Variants in PCDHA3 observed in about 807,000 individuals in gnomAD.
PCDHA3 encodes protocadherin alpha-3.
In PCDHA3, 41 loss-of-function variants were observed where a neutral mutation model predicts 62.2. That is an observed-to-expected ratio of 0.66 (90% confidence interval 0.51 to 0.86). The LOEUF is 0.86. Ranked by LOEUF, PCDHA3 falls within the 40% of genes least tolerant of loss-of-function variation. The probability of loss-of-function intolerance (pLI) is 0.00; values close to 1 mark genes in which losing one functional copy is unlikely to be tolerated. For synonymous variants in PCDHA3, 640 were observed against 555.4 expected (o/e 1.15, Z -2.14); for missense variants, 1,304 against 1,241.2 (o/e 1.05, Z -0.76).
intron 1 of PCDHA3, chr5:140,821,992 C>T (rs2150112812): frequency 1.2e-6 from 2 of 1,614,186 alleles, no homozygotes; most frequent in East Asian, 2.2e-5. Flanking sequence ...CCGCGGGGAC[C>T]TTCTGGAGGT....
intron 1 of PCDHA3, 81 bp from the exon 2 acceptor site, chr5:140,978,868 G>A: frequency 6.2e-7 from 1 of 1,606,078 alleles, no homozygotes; most frequent in Non-Finnish European, 8.5e-7. Context: ...ATATTTAAGG[G>A]AGTAACTAAT....
chr5:140,876,928 A>G lies in PCDHA3; in HGVS notation c.2394+73337A>G, dbSNP rs188405716. On this transcript the variant is annotated intron_variant, in intron 1 of 3. Coordinates refer to ENST00000522353, the MANE Select transcript of PCDHA3 (RefSeq NM_018906.3). ...GTCGGCATGGGACGCGGACGCGCAG[A>G]AGAACGCGCTGGTGTCCTACTCGCT... The G allele has an allele frequency of 1.9e-5, 31 of 1,613,808 alleles. No individual in the cohort carries two copies. In the African/African-American group the frequency reaches 2.4e-4, roughly 12 times the overall value.
At chr5:140,857,449 C>T (rs2044602345) in intron 1 of PCDHA3, 1 of 1,598,510 alleles carries the variant, frequency 6.3e-7, no homozygotes, top group East Asian at 2.2e-5. Context: ...AGGAGAACAA[C>T]CCGCCAGGCT....
At chr5:140,996,226 G>C (rs2097717630) in intron 3 of PCDHA3, among the ~76,000 whole-genome samples, 1 of 152,196 alleles carries the variant, frequency 6.6e-6, no homozygotes, top group South Asian at 2.1e-4. Context: ...GTCTAGAAAT[G>C]GTTGCTCAAG....
At chr5:140,947,769 A>G (rs2094173274) in intron 1 of PCDHA3, among the ~76,000 whole-genome samples, 1 of 151,626 alleles carries the variant, frequency 6.6e-6, no homozygotes, top group South Asian at 2.1e-4. Context: ...AAAAAATTCT[A>G]TTGTAAATGG....
chr5:140,869,485 G>T (rs782005031), intron 1 of PCDHA3: 8 of 1,614,158 alleles, frequency 5.0e-6, no homozygotes, highest in Non-Finnish European at 6.8e-6. Flanking sequence ...GGACATTAAC[G>T]ACAACCCGCC....
At chr5:140,969,045 CCAA>C in intron 1 of PCDHA3, 4 of 1,614,090 alleles carry the variant, frequency 2.5e-6, no homozygotes, top group Non-Finnish European at 3.4e-6. Flanking sequence ...TACAAACAAG[CCAA>C]CAACAATATT....
At position 140,850,006 on chromosome 5, in the gene PCDHA3, T is replaced by A. The variant is rs2150463121; in HGVS notation, c.2394+46415T>A. On this transcript the variant is annotated intron_variant, in intron 1 of 3. Coordinates refer to ENST00000522353, the MANE Select transcript of PCDHA3 (RefSeq NM_018906.3). ...GAGCGGCGGTTGGGCGAGCGCTCGC[T>A]GTCGAGCTACGTGTCAGTGCACGCG... is the stretch of plus-strand genomic sequence containing the variant. The A allele has an allele frequency of 2.5e-6, 4 of 1,596,854 alleles. No homozygotes were observed. In the African/African-American group the frequency reaches 5.4e-5, roughly 21 times the overall value.
intron 1 of PCDHA3, among the ~76,000 whole-genome samples, chr5:140,904,023 A>G (rs2070780912): frequency 1.3e-5 from 2 of 152,198 alleles, no homozygotes; most frequent in Admixed American, 6.5e-5. Flanking sequence ...AAATAATGGT[A>G]TAATTTAACT....
chr5:140,923,055 A>G (rs1233279179), intron 1 of PCDHA3, among the ~76,000 whole-genome samples: 1 of 152,236 alleles, frequency 6.6e-6, no homozygotes, highest in African/African-American at 2.4e-5. Flanking sequence ...TTTAGAATAA[A>G]AGAGCTAGGT....
At chr5:140,979,126 A>G in intron 2 of PCDHA3, 119 bp downstream of exon 2, 2 of 1,481,366 alleles carry the variant, frequency 1.4e-6, no homozygotes, top group South Asian at 1.4e-5. Context: ...GTACTTTGCC[A>G]GGAAAATGCA....
At chr5:140,870,686 A>G (rs2052295402) in intron 1 of PCDHA3, 2 of 1,612,732 alleles carry the variant, frequency 1.2e-6, no homozygotes, top group African/African-American at 2.7e-5. Flanking sequence ...GAGGAGCTGG[A>G]GCTGCTACAG....
At chr5:140,803,899 A>G in intron 1 of PCDHA3, 1 of 526,416 alleles carries the variant, frequency 1.9e-6, no homozygotes, top group African/African-American at 1.9e-5. Context: ...TGCATTATTT[A>G]GAGAATCTGA....
intron 1 of PCDHA3, chr5:140,871,599 TG>T (rs1554165773): frequency 6.9e-7 from 1 of 1,447,790 alleles, no homozygotes; most frequent in Admixed American, 2.7e-5. Flanking sequence ...GAATAACCAG[TG>T]TTTTGAATAT....
rs2044359336 is a variant in PCDHA3 at position 140,857,099 on chromosome 5, G to A, written c.2394+53508G>A. On this transcript the variant is annotated intron_variant, in intron 1 of 3. Transcript: ENST00000522353. ...AAATGATAATTCACCTGAGGTGATT[G>A]TCACTTCTCTGTCTCTCCCAGTGAA... 2 of 1,597,238 alleles carry A rather than the reference G, an allele frequency of 1.3e-6. No homozygotes were observed. The highest frequency in any genetic ancestry group is 3.4e-5 in the Admixed American group (2 of 59,246).
intron 1 of PCDHA3, chr5:140,883,938 A>C (rs782647232): frequency 6.2e-7 from 1 of 1,613,360 alleles, no homozygotes; most frequent in East Asian, 2.2e-5. Context: ...TTCGTGCTGG[A>C]CGAGAACGAC....
chr5:140,925,441 T>G (rs1458646143), intron 1 of PCDHA3, among the ~76,000 whole-genome samples: 1 of 152,136 alleles, frequency 6.6e-6, no homozygotes, highest in African/African-American at 2.4e-5. Context: ...TTAGGCAGAA[T>G]TTGGGTGTAT....
intron 1 of PCDHA3, chr5:140,852,757 G>T (rs1243910073): frequency 9.2e-6 from 9 of 983,578 alleles, no homozygotes; most frequent in Admixed American, 1.3e-4. Context: ...TTGGACCCAG[G>T]TATCTGATTA....
At chr5:140,922,825 C>T (rs1554200979) in intron 1 of PCDHA3, among the ~76,000 whole-genome samples, 1 of 152,178 alleles carries the variant, frequency 6.6e-6, no homozygotes, top group Non-Finnish European at 1.5e-5. Context: ...CAGCATACTG[C>T]TAATAGATGT....
Sources: gnomAD v4.1 joint callset for allele counts (sites outside exome capture counted in the v4.1 genomes callset) on GRCh38, gnomAD v4.1.1 for gene constraint, MANE v1.5 for transcripts, NCBI Gene and HGNC (gene_info 2026-07-23, HGNC 2026-07-21) for gene names.